ERCC8: variants seen among roughly 807,000 people sequenced by gnomAD.
The protein encoded by ERCC8 is ERCC excision repair 8, CSA ubiquitin ligase complex subunit, also known as DNA excision repair protein ERCC-8.
A neutral mutation model predicts 54.9 loss-of-function variants in ERCC8; 52 were observed. That is an observed-to-expected ratio of 0.95 (90% confidence interval 0.76 to 1.19). The LOEUF is 1.19. ERCC8 is among the 50% of genes most tolerant of loss of function. ERCC8 has a pLI of 0.00. For missense variants in ERCC8, 514 were observed against 466.1 expected (o/e 1.10, Z -0.95); for synonymous variants, 146 against 157.2 (o/e 0.93, Z 0.53).
At chr5:60,942,791 T>C (rs1405350482) in intron 1 of ERCC8, among the ~76,000 whole-genome samples, 1 of 152,190 alleles carries the variant, frequency 6.6e-6, no homozygotes, top group Admixed American at 6.5e-5. Context: ...GGGTATTGCA[T>C]GTCAATTATA....
intron 4 of ERCC8, among the ~76,000 whole-genome samples, chr5:60,914,605 G>A (rs78581134): frequency 0.02 from 3,033 of 151,804 alleles, 128 homozygotes; most frequent in African/African-American, 0.07. Flanking sequence ...GCCTGGGCAA[G>A]ACAGAGAGAC....
At chr5:60,876,576 C>T (rs1276034715) in intron 11 of ERCC8, among the ~76,000 whole-genome samples, 1 of 152,176 alleles carries the variant, frequency 6.6e-6, no homozygotes, top group East Asian at 1.9e-4. Context: ...ACCATTCTAA[C>T]TGGTGTGAGA....
chr5:60,913,963 T>C (rs1580016355), intron 4 of ERCC8, among the ~76,000 whole-genome samples: 1 of 152,278 alleles, frequency 6.6e-6, no homozygotes, highest in East Asian at 1.9e-4. Flanking sequence ...AGAGAGTTTG[T>C]TGTGATTTGT....
At chr5:60,929,218 G>A (rs983835804) in intron 1 of ERCC8, among the ~76,000 whole-genome samples, 1 of 152,136 alleles carries the variant, frequency 6.6e-6, no homozygotes, top group Non-Finnish European at 1.5e-5. Context: ...GATAAATGTA[G>A]CTGAGGACAT....
At position 60,866,583 on chromosome 5, in the gene ERCC8, A is replaced by C. The variant is rs771546754; in HGVS notation, c.*8032T>G. 6.6e-6 allele frequency: 1 copy of C among 152,350 alleles called. No homozygotes were observed. The highest frequency in any genetic ancestry group is 1.9e-4 in the East Asian group (1 of 5,188). 9.4% of individuals were successfully genotyped at this position (152,350 alleles called of 1,614,324 possible). A position where few individuals can be genotyped will look rare whatever the true frequency, so the allele number is the denominator to read the frequency against. ...ATCAATGATGGCTCCATAATAATTC[A>C]CATGGAAACTTTGCTTTAAAAGTGT... On this transcript the variant is annotated 3_prime_UTR_variant, in exon 12 of 12. Transcript: ENST00000676185.
chr5:60,879,186 A>C (rs1748119837), intron 11 of ERCC8, among the ~76,000 whole-genome samples: 1 of 152,082 alleles, frequency 6.6e-6, no homozygotes, highest in African/African-American at 2.4e-5. Context: ...GTTTTGAGTG[A>C]GTTTCTTAAT....
intron 1 of ERCC8, among the ~76,000 whole-genome samples, chr5:60,933,343 T>C (rs1323506597): frequency 6.7e-6 from 1 of 149,142 alleles, no homozygotes; most frequent in African/African-American, 2.5e-5. Context: ...CTCAGCCACC[T>C]GAGTAGCTGG....
intron 4 of ERCC8, among the ~76,000 whole-genome samples, chr5:60,910,593 G>A (rs921376243): frequency 6.6e-6 from 1 of 151,902 alleles, no homozygotes; most frequent in Non-Finnish European, 1.5e-5. Context: ...GAATAGTCTT[G>A]TATATTTTTC....
intron 1 of ERCC8, among the ~76,000 whole-genome samples, chr5:60,938,206 C>T (rs1394872141): frequency 6.7e-6 from 1 of 149,080 alleles, no homozygotes; most frequent in East Asian, 2.0e-4. Context: ...CTTCAATTTT[C>T]ATTTCATCTT....
At position 60,903,676 on chromosome 5, in the gene ERCC8, C is replaced by T. The variant is rs748614275; in HGVS notation, c.522G>A (p.Lys174=). The T allele has an allele frequency of 1.2e-5, 19 of 1,612,638 alleles. No individual in the cohort carries two copies. Among genetic ancestry groups the T allele is most frequent in the Non-Finnish European group, 1.4e-5 (17 of 1,179,260 alleles). ...GTAGAATGTGAGAACAGGATCCAGA[C>T]TTCAAGTCACAAAGTTGTACTTTGG... ...RGPKVQLCDL[K]SGSCSHILQG... Residue 174 remains lysine, a synonymous_variant, in exon 6 of 12, where the codon AAG becomes AAA. Transcript: ENST00000676185.
At chr5:60,921,974 CA>C in intron 3 of ERCC8, 79 bp downstream of exon 3, 1 of 954,442 alleles carries the variant, frequency 1.0e-6, no homozygotes, top group South Asian at 1.4e-5. Context: ...CACTTGACTG[CA>C]ATTTTCATGT....
At chr5:60,891,833 T>C (rs1200922391) in intron 9 of ERCC8, 2 of 360,944 alleles carry the variant, frequency 5.5e-6, no homozygotes, top group South Asian at 2.4e-5. Context: ...GTTCTTTTAA[T>C]ATGCAGATGC....
chr5:60,884,854 C>G (rs1333012717), intron 11 of ERCC8, among the ~76,000 whole-genome samples: 1 of 151,964 alleles, frequency 6.6e-6, no homozygotes, highest in Non-Finnish European at 1.5e-5. Flanking sequence ...TTTTATAGCT[C>G]TAAAACAAAT....
In ERCC8 at chr5:60,942,893, GGAA is replaced by G. The variant is rs1184064034; in HGVS notation, c.77+2036_77+2038del. ...TCCTTTTGCTCTTACATGATGACAA[GGAA>G]GAACAGTAGACATCTCCTATGAATA... On this transcript the variant is annotated intron_variant, in intron 1 of 11. Transcript: ENST00000676185. 5.9e-5 allele frequency among the ~76,000 whole-genome samples: 9 copies of G among 152,172 alleles called. No individual in the cohort carries two copies. In the East Asian group the frequency reaches 1.7e-3, roughly 29 times the overall value.
intron 1 of ERCC8, among the ~76,000 whole-genome samples, chr5:60,942,667 A>T (rs1750296075): frequency 6.6e-6 from 1 of 152,224 alleles, no homozygotes; most frequent in African/African-American, 2.4e-5. Flanking sequence ...CAGGGATTAT[A>T]AATGACCGTC....
At chr5:60,920,521 T>A (rs1749571660) in intron 3 of ERCC8, among the ~76,000 whole-genome samples, 1 of 151,910 alleles carries the variant, frequency 6.6e-6, no homozygotes, top group African/African-American at 2.4e-5. Context: ...GACAAACACA[T>A]TAAGTATACT....
chr5:60,867,725 C>T lies in ERCC8; in HGVS notation c.*6890G>A, dbSNP rs116135414. Among the ~76,000 whole-genome samples, 2,700 of 152,210 alleles carry T rather than the reference C, an allele frequency of 0.018. 50 individuals are homozygous for T. The highest frequency in any genetic ancestry group is 0.025 in the Non-Finnish European group (1,707 of 68,010). On this transcript the variant is annotated 3_prime_UTR_variant, in exon 12 of 12. Coordinates refer to ENST00000676185, the MANE Select transcript of ERCC8 (RefSeq NM_000082.4). ...GAGAAGCTGGAATTAAGTGTTTGAG[C>T]CACATGGGAGAAGCAGCTCTCCTGC...
intron 11 of ERCC8, among the ~76,000 whole-genome samples, chr5:60,879,769 G>C (rs1403198553): frequency 1.3e-5 from 2 of 152,156 alleles, no homozygotes; most frequent in Non-Finnish European, 2.9e-5. Flanking sequence ...CTCTCCACGT[G>C]AGATGGGTTT....
At position 60,945,033 on chromosome 5, in the gene ERCC8, C is replaced by A. The variant is rs745927528; in HGVS notation, c.-25G>T. 1.2e-5 allele frequency: 19 copies of A among 1,602,098 alleles called. No individual in the cohort carries two copies. Among genetic ancestry groups the A allele is most frequent in the Admixed American group, 1.2e-4 (7 of 59,994 alleles). ...TATCGTGTCCTCACACCGGCTGGAG[C>A]ACTGGACGTCGCCATGACAGAGCTC... On this transcript the variant is annotated 5_prime_UTR_variant, in exon 1 of 12. Coordinates refer to ENST00000676185, the MANE Select transcript of ERCC8 (RefSeq NM_000082.4).
Sources: gnomAD v4.1 joint callset for allele counts (sites outside exome capture counted in the v4.1 genomes callset) on GRCh38, gnomAD v4.1.1 for gene constraint, MANE v1.5 for transcripts, NCBI Gene and HGNC (gene_info 2026-07-23, HGNC 2026-07-21) for gene names.